Variants in FABP12 observed in about 807,000 individuals in gnomAD.
The protein encoded by FABP12 is fatty acid binding protein 12, also known as fatty acid-binding protein 12.
In FABP12, 19 loss-of-function variants were observed where a neutral mutation model predicts 13.7. The ratio of observed to expected loss-of-function variants is 1.39; its 90% CI spans 0.97 to 2.04. The LOEUF (loss-of-function observed/expected upper bound fraction) is 2.04, where lower values mean the gene tolerates loss of function less well. Among genes scored for constraint, FABP12 ranks in the 30% most tolerant of loss-of-function variants. The pLI, the probability that FABP12 is intolerant of heterozygous loss-of-function variation, is 0.00. For synonymous variants in FABP12, 61 were observed against 57.0 expected, an observed-to-expected ratio of 1.07 and a Z score of -0.32; for missense variants, 182 against 164.2, an observed-to-expected ratio of 1.11 and a Z score of -0.59.
intron 3 of FABP12, 76 bp from the exon 4 acceptor site, chr8:81,527,197 T>A (rs1808924780): frequency 1.3e-6 from 1 of 788,526 alleles, no homozygotes. Context: ...CAGCAAATTC[T>A]TTTTAGCTGT....
chr8:81,564,108 C>T (rs1255185412), intron 1 of FABP12, among the ~76,000 whole-genome samples: 1 of 151,936 alleles, frequency 6.6e-6, no homozygotes, highest in Non-Finnish European at 1.5e-5. Context: ...TCAGTGGAAA[C>T]CTTACAAGGC....
At chr8:81,566,504 T>G (rs1394125264) in intron 1 of FABP12, among the ~76,000 whole-genome samples, 1 of 152,056 alleles carries the variant, frequency 6.6e-6, no homozygotes, top group Non-Finnish European at 1.5e-5. Flanking sequence ...GATCCAAAAA[T>G]GGCTCAACAT....
At chr8:81,561,488 C>G (rs1326643500) in intron 1 of FABP12, among the ~76,000 whole-genome samples, 1 of 152,172 alleles carries the variant, frequency 6.6e-6, no homozygotes, top group Non-Finnish European at 1.5e-5. Flanking sequence ...CAACTATCCA[C>G]ACATAAATCA....
At chr8:81,529,474 C>T in exon 3 of FABP12, 1 of 1,613,976 alleles carries the variant, frequency 6.2e-7, no homozygotes, top group African/African-American at 1.3e-5. Context: ...TTTCCTCAAA[C>T]TCTTCTCCCA....
intron 1 of FABP12, among the ~76,000 whole-genome samples, chr8:81,562,467 T>C (rs1809741335): frequency 6.6e-6 from 1 of 152,190 alleles, no homozygotes; most frequent in Non-Finnish European, 1.5e-5. Context: ...CCAGGTGTCA[T>C]CTTGGGGTTC....
At chr8:81,534,505 T>C (rs1809173798), upstream of FABP12, among the ~76,000 whole-genome samples, 1 of 152,214 alleles carries the variant, frequency 6.6e-6, no homozygotes, top group Non-Finnish European at 1.5e-5. Context: ...TTAACTCTCA[T>C]ATTCTGTGTT....
exon 3 of FABP12, chr8:81,529,541 T>C: frequency 1.2e-6 from 2 of 1,613,960 alleles, no homozygotes; most frequent in Non-Finnish European, 1.7e-6. Flanking sequence ...TGTGATGACA[T>C]CTCCATCTGT....
At chr8:81,544,685 T>A (rs978588468) in intron 1 of FABP12, among the ~76,000 whole-genome samples, 6 of 151,924 alleles carry the variant, frequency 3.9e-5, no homozygotes, top group Non-Finnish European at 7.4e-5. Flanking sequence ...TTGGGTAACA[T>A]ACCTTTCTCC....
rs552816890 is a variant in FABP12 at position 81,548,340 on chromosome 8, A to T, written c.-184-8597T>A. Reference sequence around the variant, plus strand: ...GGTCACTACCCTCAAAACACATTGTACAGAAATGCATATAAATAGAACACA... The same window carrying T: ...GGTCACTACCCTCAAAACACATTGTTCAGAAATGCATATAAATAGAACACA... On this transcript the variant is annotated intron_variant, in intron 1 of 5. Coordinates refer to the FABP12 transcript ENST00000692030. Among the ~76,000 whole-genome samples, 6 of 152,306 alleles carry T rather than the reference A, an allele frequency of 3.9e-5. No individual in the cohort carries two copies. The South Asian group carries it at 1.2e-3, about 32-fold the overall frequency.
intron 1 of FABP12, among the ~76,000 whole-genome samples, chr8:81,586,908 G>A (rs532484152): frequency 6.6e-6 from 1 of 152,210 alleles, no homozygotes; most frequent in Admixed American, 6.5e-5. Context: ...TTTCCTTCTT[G>A]GATTTTTATC....
At chr8:81,536,803 G>A (rs1415727106), upstream of FABP12, among the ~76,000 whole-genome samples, 1 of 152,228 alleles carries the variant, frequency 6.6e-6, no homozygotes, top group Non-Finnish European at 1.5e-5. Context: ...GCCACGTGTA[G>A]ATAAAGTTTT....
At chr8:81,570,610 C>G (rs932933722) in intron 1 of FABP12, among the ~76,000 whole-genome samples, 1 of 152,062 alleles carries the variant, frequency 6.6e-6, no homozygotes, top group African/African-American at 2.4e-5. Flanking sequence ...AGCTGGTTGT[C>G]CCGTTGTCTC....
At chr8:81,532,647 C>T (rs1274555930) in intron 1 of FABP12, among the ~76,000 whole-genome samples, 2 of 152,162 alleles carry the variant, frequency 1.3e-5, no homozygotes, top group African/African-American at 4.8e-5. Flanking sequence ...ATGGTGAAAC[C>T]CTGTCTCTAC....
chr8:81,533,455 G>T (rs779928321), intron 1 of FABP12, among the ~76,000 whole-genome samples: 1 of 152,084 alleles, frequency 6.6e-6, no homozygotes, highest in East Asian at 1.9e-4. Context: ...CTTTTCAGAC[G>T]ATTCGCTTCC....
chr8:81,548,738 A>G (rs1809477539), intron 1 of FABP12, among the ~76,000 whole-genome samples: 1 of 152,114 alleles, frequency 6.6e-6, no homozygotes, highest in Non-Finnish European at 1.5e-5. Flanking sequence ...GGCAGATAAG[A>G]AAGTGGTTTT....
At chr8:81,570,087 T>A (rs1363913640) in intron 1 of FABP12, among the ~76,000 whole-genome samples, 2 of 152,354 alleles carry the variant, frequency 1.3e-5, no homozygotes, top group South Asian at 4.1e-4. Context: ...GGTGCCAGCT[T>A]TCTGCAAGGC....
chr8:81,536,444 A>G (rs887298747), upstream of FABP12, among the ~76,000 whole-genome samples: 6 of 152,326 alleles, frequency 3.9e-5, no homozygotes, highest in African/African-American at 4.8e-5. Flanking sequence ...AGTTATTTCA[A>G]CGAAGCAATT....
chr8:81,589,140 G>A (rs77227532), intron 1 of FABP12, among the ~76,000 whole-genome samples: 6 of 152,160 alleles, frequency 3.9e-5, no homozygotes, highest in Admixed American at 1.3e-4. Flanking sequence ...AAATCATGCC[G>A]CCTTCCCGAA....
chr8:81,575,720 CT>C (rs1325132998), intron 1 of FABP12, among the ~76,000 whole-genome samples: 2 of 152,146 alleles, frequency 1.3e-5, no homozygotes, highest in Non-Finnish European at 2.9e-5. Flanking sequence ...CCCTCTTTGT[CT>C]CTTTTAACTG....
Sources: allele counts gnomAD v4.1 joint callset (sites outside exome capture counted in the v4.1 genomes callset), GRCh38; gene constraint gnomAD v4.1.1; transcripts MANE v1.5; gene names NCBI Gene and HGNC (gene_info 2026-07-23, HGNC 2026-07-21).